DNAH12: variants seen among roughly 807,000 people sequenced by gnomAD.
The protein encoded by DNAH12 is axonemal beta dynein heavy chain 12.
Under a neutral mutation model 371.5 loss-of-function variants are expected in DNAH12, and 285 were observed. The ratio of observed to expected loss-of-function variants is 0.77; its 90% CI spans 0.70 to 0.85. The LOEUF is 0.85. Among genes scored for constraint, DNAH12 ranks in the 40% least tolerant of loss-of-function variants. DNAH12 has a pLI of 0.00. For synonymous variants in DNAH12, 1,200 were observed against 1,213.0 expected (o/e 0.99, Z 0.22); for missense variants, 3,611 against 3,689.4 (o/e 0.98, Z 0.55).
Position 57,334,910 on chromosome 3 carries a change from C to G in DNAH12, c.9705G>C (p.Leu3235=). ...LARKEIEYQE[L]MFLLTGGVSL... The stretch of plus-strand genomic sequence containing the variant: ...TTACTCCTCCAGTTAAAAGAAACAT[C>G]AGTTCCTGGTATTCAATCTCTTTCC... The change falls in exon 61 of 74, where the codon CTG becomes CTC. Residue 3235 remains leucine, a synonymous_variant. Transcript: ENST00000495027. The G allele has an allele frequency of 2.6e-6, 4 of 1,551,218 alleles. No individual in the cohort carries two copies. Among genetic ancestry groups the G allele is most frequent in the Non-Finnish European group, 3.5e-6 (4 of 1,146,892 alleles).
chr3:57,483,297 T>C, intron 13 of DNAH12, 79 bp downstream of exon 13: 3 of 1,480,640 alleles, frequency 2.0e-6, no homozygotes, highest in South Asian at 1.3e-5. Context: ...TGTGTAACTA[T>C]ATATTTTATA....
In DNAH12 at chr3:57,377,100, T is replaced by C. The variant is rs1054511076; in HGVS notation, c.8346A>G (p.Gln2782=). Residue 2782 remains glutamine (Q), a synonymous_variant, in exon 53 of 74, where the codon CAA becomes CAG. Coordinates refer to ENST00000495027, the MANE Select transcript of DNAH12 (RefSeq NM_001366028.2). ...CCTCTGTTTTCTCAAGAAATGTCAT[T>C]TGTAAATTTTCCAGATGATGTTCTA... ...AEVEHHLENL[Q]MTFLEKTEEK... The C allele has an allele frequency of 3.9e-5, 6 of 152,164 alleles. No homozygotes were observed. Among genetic ancestry groups the C allele is most frequent in the African/African-American group, 1.4e-4 (6 of 41,450 alleles). The allele number at this position is 152,164 out of a possible 1,614,324, so 9.4% of individuals were successfully genotyped here. A position where few individuals can be genotyped will look rare whatever the true frequency, so the allele number is the denominator to read the frequency against.
chr3:57,456,594 G>C (rs909817358), intron 22 of DNAH12, among the ~76,000 whole-genome samples: 2 of 152,114 alleles, frequency 1.3e-5, no homozygotes, highest in African/African-American at 4.8e-5. Flanking sequence ...AGTTGTTTAA[G>C]TGTAAAAAGC....
At chr3:57,382,195 A>G (rs2063407345) in intron 50 of DNAH12, 67 bp downstream of exon 50, 1 of 152,192 alleles carries the variant, frequency 6.6e-6, no homozygotes, top group Non-Finnish European at 1.5e-5. Context: ...TTGATATTTG[A>G]TAATAGTTGC....
chr3:57,449,560 C>T (rs577367851), intron 25 of DNAH12, among the ~76,000 whole-genome samples: 104 of 152,360 alleles, frequency 6.8e-4, no homozygotes, highest in African/African-American at 2.4e-3. Flanking sequence ...CTGGGGGACC[C>T]AGTACACCCT....
In DNAH12 at chr3:57,507,791, A is replaced by G. The variant is rs1281122080; in HGVS notation, c.749T>C (p.Ile250Thr). The G allele has an allele frequency of 6.2e-7, 1 of 1,601,438 alleles. No homozygotes were observed. Among genetic ancestry groups the G allele is most frequent in the Non-Finnish European group, 8.5e-7 (1 of 1,177,794 alleles). ...CTTCTCTTCTGCGTTTCTAGTTTGT[A>G]TTGATAGATCAGTTTTCAGTGATTC... ...DCESLKTDLS[I>T]QTRNAEEKIM... The change falls in exon 8 of 74, where the codon ATA (isoleucine) becomes ACA (threonine). Residue 250 changes from isoleucine (I) to threonine (T), a missense_variant. Transcript: ENST00000495027.
intron 62 of DNAH12, among the ~76,000 whole-genome samples, chr3:57,327,991 C>G (rs1157656486): frequency 6.6e-6 from 1 of 151,854 alleles, no homozygotes; most frequent in Admixed American, 6.6e-5. Flanking sequence ...GACACATACA[C>G]TCTCCCAAGA....
intron 37 of DNAH12, among the ~76,000 whole-genome samples, chr3:57,416,900 G>A (rs754806519): frequency 3.9e-5 from 6 of 152,130 alleles, no homozygotes; most frequent in African/African-American, 7.2e-5. Flanking sequence ...GAGAAATGCT[G>A]CATTAAAAAT....
rs775132726 is a variant in DNAH12 at position 57,464,296 on chromosome 3, C to T, written c.2350-1421G>A. Among the ~76,000 whole-genome samples the T allele has an allele frequency of 2.0e-4, 30 of 152,210 alleles. No individual in the cohort carries two copies. In the South Asian group the frequency reaches 2.3e-3, roughly 12 times the overall value. On this transcript the variant is annotated intron_variant, in intron 17 of 73. Transcript: ENST00000495027. Reference sequence around the variant, plus strand: ...CACAGAAGATGCCAAATCAGAGTGGCTATTCTGCAGCACCACACTGTAGGA... The same window carrying T: ...CACAGAAGATGCCAAATCAGAGTGGTTATTCTGCAGCACCACACTGTAGGA...
rs1451539580 is a variant in DNAH12, at chr3:57,404,969, C to T, written c.6755G>A (p.Arg2252Lys). Residue 2252 changes from arginine (R) to lysine (K), a missense_variant and splice_region_variant, in exon 42 of 74, where the codon AGG becomes AAG. Transcript: ENST00000495027. Reference protein sequence around the residue: ...HKTRMNLVIFRYVLEHLSRIC... With the variant: ...HKTRMNLVIFKYVLEHLSRIC... ...AAGCATCAACACCATATATAGGTAC[C>T]TAAAAATGACAAGATTCATTCTTGT... 13 of 1,507,696 alleles carry T rather than the reference C, an allele frequency of 8.6e-6. No individual in the cohort carries two copies. The highest frequency in any genetic ancestry group is 1.4e-5 in the African/African-American group (1 of 69,964). The allele number at this position is 1,507,696 out of a possible 1,614,324, so 93.4% of individuals were successfully genotyped here.
intron 37 of DNAH12, among the ~76,000 whole-genome samples, chr3:57,417,227 G>A (rs1341604788): frequency 1.5e-5 from 2 of 134,832 alleles, no homozygotes; most frequent in African/African-American, 5.8e-5. Flanking sequence ...TCCAGCCTAG[G>A]CAAGAAGAGT....
intron 19 of DNAH12, among the ~76,000 whole-genome samples, 172 bp from the exon 20 acceptor site, chr3:57,459,958 G>A (rs1274380405): frequency 2.0e-5 from 3 of 151,884 alleles, no homozygotes; most frequent in Non-Finnish European, 4.4e-5. Context: ...TAAGAGGTCT[G>A]AAGTTTTCCT....
At chr3:57,454,538 C>T (rs1421583744) in intron 23 of DNAH12, among the ~76,000 whole-genome samples, 2 of 151,308 alleles carry the variant, frequency 1.3e-5, no homozygotes, top group Admixed American at 1.3e-4. Context: ...AACTGACAGA[C>T]GTATTGTCTT....
In DNAH12 at chr3:57,352,193, C is replaced by T. The variant is rs1198708530; in HGVS notation, c.9566G>A (p.Arg3189Gln). The change falls in exon 60 of 74, where the codon CGA (arginine) becomes CAA (glutamine). Residue 3189 changes from arginine to glutamine, a missense_variant. Around this residue, in one of 3 missense-constraint regions of DNAH12, gnomAD observed 2,266 missense variants for 2,236.9 expected, o/e 1.01. Transcript: ENST00000495027. ...GTATGTGAAGTGGTCATTTAAATAT[C>T]GTAGGCGCTTTTCCAAAATCTTGGA... ...NKSKILEKRL[R>Q]YLNDHFTYNL... The T allele has an allele frequency of 3.6e-5, 56 of 1,536,152 alleles. No individual in the cohort carries two copies. Among genetic ancestry groups the T allele is most frequent in the Non-Finnish European group, 4.6e-5 (53 of 1,143,288 alleles).
chr3:57,425,966 G>C (rs1034955316), intron 34 of DNAH12, among the ~76,000 whole-genome samples: 1 of 152,160 alleles, frequency 6.6e-6, no homozygotes, highest in African/African-American at 2.4e-5. Context: ...GGCTGCTAGA[G>C]TGCTTGGGAT....
chr3:57,520,506 C>CA (rs1268517410), intron 4 of DNAH12, among the ~76,000 whole-genome samples: 23 of 149,916 alleles, frequency 1.5e-4, no homozygotes, highest in African/African-American at 5.4e-4. Flanking sequence ...GAAGTGGCAC[C>CA]ATCTCGGCTC....
chr3:57,479,599 C>A (rs1035612720), intron 13 of DNAH12, among the ~76,000 whole-genome samples: 2 of 152,154 alleles, frequency 1.3e-5, no homozygotes, highest in African/African-American at 4.8e-5. Flanking sequence ...ACTCTCCACC[C>A]CAAATCAACA....
rs142401306 is a variant in DNAH12, at chr3:57,506,390, A to C, written c.897+1253T>G. On this transcript the variant is annotated intron_variant, in intron 8 of 73. Transcript: ENST00000495027. The stretch of plus-strand genomic sequence containing the variant: ...CAGAAGTCGACAAACACTACAAATC[A>C]GGGTAATTATCTTTTTCTTTTATTT... Among the ~76,000 whole-genome samples the C allele has an allele frequency of 4.3e-3, 655 of 152,256 alleles. 8 individuals are homozygous for C. The highest frequency in any genetic ancestry group is 0.015 in the African/African-American group (634 of 41,570).
intron 11 of DNAH12, among the ~76,000 whole-genome samples, chr3:57,499,630 C>CAAAAAAAAAAAA (rs1220632097): frequency 0.053 from 789 of 14,844 alleles, 237 homozygotes; most frequent in Non-Finnish European, 0.069. Context: ...ACCATCTCTA[C>CAAAAAAAAAAAA]AAAAAAAAAA....
Sources: gnomAD v4.1 joint callset for allele counts (sites outside exome capture counted in the v4.1 genomes callset) on GRCh38, gnomAD v4.1.1 for gene constraint, gnomAD v4.1.1 regional missense constraint, MANE v1.5 for transcripts, NCBI Gene and HGNC (gene_info 2026-07-23, HGNC 2026-07-21) for gene names.